TK2: variants seen among roughly 807,000 people sequenced by gnomAD.
The protein encoded by TK2 is thymidine kinase 2, mitochondrial.
TK2 carries 35 observed loss-of-function variants against 41.9 expected under a neutral mutation model. That is an observed-to-expected ratio of 0.84 (90% CI 0.64 to 1.11). TK2 has a LOEUF of 1.11. Among genes scored for constraint, TK2 ranks in the 50% least tolerant of loss-of-function variants. TK2 has a pLI of 0.00. For missense variants in TK2, 320 were observed against 351.1 expected, an observed-to-expected ratio of 0.91 and a Z score of 0.71; for synonymous variants, 128 against 129.1, an observed-to-expected ratio of 0.99 and a Z score of 0.06.
At chr16:66,541,771 A>G (rs1048131284) in intron 3 of TK2, 108 bp downstream of exon 3, 4 of 1,162,266 alleles carry the variant, frequency 3.4e-6, no homozygotes, top group Non-Finnish European at 5.1e-6. Flanking sequence ...TGTGGCTTGC[A>G]CTTGTGGCTC....
In TK2 at chr16:66,511,646, G is replaced by A. The variant is rs577807221; in HGVS notation, c.*322C>T. ...GAGACGATTGGTACACAGCTCCAGC[G>A]TGGTGTCAGGCACACAACAGGTGCT... On this transcript the variant is annotated 3_prime_UTR_variant, in exon 10 of 10. Coordinates refer to ENST00000544898, the MANE Select transcript of TK2 (RefSeq NM_004614.5). 1.4e-5 allele frequency: 6 copies of A among 431,364 alleles called. No homozygotes were observed. The highest frequency in any genetic ancestry group is 1.0e-4 in the East Asian group (2 of 19,316). 26.7% of individuals were successfully genotyped at this position (431,364 alleles called of 1,614,324 possible). A position where few individuals can be genotyped will look rare whatever the true frequency, so the allele number is the denominator to read the frequency against.
rs1040247973 is a variant in TK2, at chr16:66,550,015, C to T, written c.47G>A (p.Cys16Tyr). Reference sequence around the variant, plus strand: ...GCTCCCGCGACTTCCCGGCCCAAAGCAGCGCAGCGCCCGGGCGGCCCAGCC... The same window carrying T: ...GCTCCCGCGACTTCCCGGCCCAAAGTAGCGCAGCGCCCGGGCGGCCCAGCC... ...LRGWAARALR[C>Y]FGPGSRGSPA... is the part of the protein sequence containing the mutation. The change falls in exon 1 of 10, where the codon TGC becomes TAC. Residue 16 changes from cysteine (C) to tyrosine (Y), a missense_variant. Physicochemically the swap from Cys to Tyr is radical, Grantham distance 194. Coordinates refer to ENST00000544898, the MANE Select transcript of TK2 (RefSeq NM_004614.5). 7.1e-6 allele frequency: 11 copies of T among 1,544,754 alleles called. No individual in the cohort carries two copies. The African/African-American group carries it at 1.5e-4, about 21-fold the overall frequency.
intron 9 of TK2, 96 bp from the exon 10 acceptor site, chr16:66,512,162 G>A: frequency 9.3e-7 from 1 of 1,074,282 alleles, no homozygotes; most frequent in Non-Finnish European, 1.4e-6. Context: ...GGCAGCAGGG[G>A]GCAGGGAAGG....
intron 4 of TK2, among the ~76,000 whole-genome samples, chr16:66,534,136 C>T (rs1339416557): frequency 6.6e-6 from 1 of 151,770 alleles, no homozygotes; most frequent in African/African-American, 2.4e-5. Context: ...GGAGAGAGAC[C>T]TGACCTAGCA....
At chr16:66,512,413 T>G (rs1219199377) in intron 9 of TK2, among the ~76,000 whole-genome samples, 3 of 152,046 alleles carry the variant, frequency 2.0e-5, no homozygotes, top group Non-Finnish European at 4.4e-5. Context: ...AATGATTTGT[T>G]TTTTTCCCTC....
chr16:66,513,859 C>T (rs1460171556), intron 8 of TK2, 48 bp from the exon 9 acceptor site: 2 of 1,551,704 alleles, frequency 1.3e-6, no homozygotes, highest in Admixed American at 1.7e-5. Flanking sequence ...AGAGCAGACC[C>T]CACCTACCAA....
intron 3 of TK2, among the ~76,000 whole-genome samples, chr16:66,539,649 C>T (rs1443669285): frequency 6.9e-6 from 1 of 144,874 alleles, no homozygotes; most frequent in African/African-American, 2.6e-5. Context: ...AAAGGATCAG[C>T]AAAGGGAAAA....
In TK2 at chr16:66,517,733, T is replaced by C; in HGVS notation, c.538+56A>G. On this transcript the variant is annotated intron_variant, in intron 7 of 9. Transcript: ENST00000544898. This position sits in a 1 kb window ranked among gnomAD's most constrained non-coding sequence, Gnocchi z 4.3. ...AAGGGTTGGGGCCCAGCCAAGCACA[T>C]CCTCAAGGGACCCAGGAGAGAGACA... 6.4e-7 allele frequency: 1 copy of C among 1,559,566 alleles called. No individual in the cohort carries two copies. The highest frequency in any genetic ancestry group is 1.1e-5 in the South Asian group (1 of 90,012).
intron 6 of TK2, among the ~76,000 whole-genome samples, chr16:66,519,113 C>G (rs1964704319): frequency 6.6e-6 from 1 of 151,978 alleles, no homozygotes; most frequent in Admixed American, 6.6e-5. Context: ...AGGCACCCGC[C>G]ACCACGCCGG....
intron 2 of TK2, among the ~76,000 whole-genome samples, chr16:66,542,579 A>G (rs1436453003): frequency 6.6e-6 from 1 of 152,248 alleles, no homozygotes; most frequent in Non-Finnish European, 1.5e-5. Context: ...GTAGAAGACA[A>G]TAAAGCAAGG....
intron 4 of TK2, among the ~76,000 whole-genome samples, chr16:66,533,493 T>C (rs1463710098): frequency 6.6e-6 from 1 of 151,580 alleles, no homozygotes. Context: ...AAGGTTACAG[T>C]GAGCTATAAT....
intron 2 of TK2, among the ~76,000 whole-genome samples, chr16:66,544,254 C>T (rs986230044): frequency 2.6e-5 from 4 of 152,218 alleles, no homozygotes; most frequent in South Asian, 2.1e-4. Context: ...GAAGGGGGAA[C>T]AGGAAGCAAG....
intron 3 of TK2, among the ~76,000 whole-genome samples, chr16:66,540,264 C>T (rs1029598883): frequency 2.0e-5 from 3 of 151,264 alleles, no homozygotes; most frequent in African/African-American, 7.3e-5. Flanking sequence ...CCTCAACCTC[C>T]TGGGCTTAAA....
chr16:66,523,549 C>T (rs1160059041), intron 6 of TK2, among the ~76,000 whole-genome samples: 2 of 152,232 alleles, frequency 1.3e-5, no homozygotes, highest in Admixed American at 6.5e-5. Context: ...TCTACTTTGG[C>T]CAGGCATGGT....
chr16:66,541,944 CG>C lies in TK2; in HGVS notation c.165del (p.Glu56ArgfsTer24). On this transcript the variant is annotated frameshift_variant, in exon 3 of 10. Transcript: ENST00000544898. LOFTEE classifies it high-confidence loss of function. ...QEKEKKSVIC[V>X]EGNIASGKTT... is the part of the protein sequence containing the mutation. ...GTCTTCCCACTTGCAATATTGCCCT[CG>C]ACACAGATCTGGCAAAAGACGAATG... 3 of 1,614,090 alleles carry C rather than the reference CG, an allele frequency of 1.9e-6. No individual in the cohort carries two copies. In the South Asian group the frequency reaches 3.3e-5, roughly 18 times the overall value.
At position 66,509,400 on chromosome 16, in the gene TK2, T is replaced by A. The variant is rs1486200463; in HGVS notation, c.*2568A>T. On this transcript the variant is annotated 3_prime_UTR_variant, in exon 10 of 10. Transcript: ENST00000544898. Reference sequence around the variant, plus strand: ...ACACTTCTTTTATGTAAAAGATAAATATATTTCTATCTAGTTTCCAAAAAA... The same window carrying A: ...ACACTTCTTTTATGTAAAAGATAAAAATATTTCTATCTAGTTTCCAAAAAA... 6.6e-6 allele frequency: 1 copy of A among 152,220 alleles called. No homozygotes were observed. Among genetic ancestry groups the A allele is most frequent in the Non-Finnish European group, 1.5e-5 (1 of 68,040 alleles). The allele number at this position is 152,220 out of a possible 1,614,324, so 9.4% of individuals were successfully genotyped here.
At chr16:66,527,432 C>CCTCAAATGAAAGGTGCAAAA (rs1156806506) in intron 6 of TK2, among the ~76,000 whole-genome samples, 1 of 152,094 alleles carries the variant, frequency 6.6e-6, no homozygotes, top group Non-Finnish European at 1.5e-5. Context: ...CAGTGGGGGA[C>CCTCAAATGAAAGGTGCAAAA]CAGAGCCTGG....
chr16:66,526,821 C>T (rs1196625796), intron 6 of TK2, among the ~76,000 whole-genome samples: 1 of 152,226 alleles, frequency 6.6e-6, no homozygotes, highest in Non-Finnish European at 1.5e-5. Context: ...GATTAAAAGA[C>T]AGACACAGCC....
chr16:66,521,488 G>A (rs773105626), intron 6 of TK2, among the ~76,000 whole-genome samples: 1 of 152,222 alleles, frequency 6.6e-6, no homozygotes, highest in Non-Finnish European at 1.5e-5. Context: ...CATGGGCAGG[G>A]TCAGTAGGCC....
Sources: allele counts gnomAD v4.1 joint callset (sites outside exome capture counted in the v4.1 genomes callset), GRCh38; gene constraint gnomAD v4.1.1; non-coding constraint Gnocchi (gnomAD v3.1); transcripts MANE v1.5; gene names NCBI Gene and HGNC (gene_info 2026-07-23, HGNC 2026-07-21).